NTRK2: variants seen among roughly 807,000 people sequenced by gnomAD.
NTRK2 encodes neurotrophic receptor tyrosine kinase 2, also known as BDNF/NT-3 growth factors receptor.
A neutral mutation model predicts 94.5 loss-of-function variants in NTRK2; 13 were observed. That is an observed-to-expected ratio of 0.14 (90% confidence interval 0.09 to 0.22). The LOEUF (loss-of-function observed/expected upper bound fraction) is 0.22. Ranked by LOEUF, NTRK2 falls within the 10% of genes least tolerant of loss-of-function variation. The pLI is 1.00. For missense variants in NTRK2, 639 were observed against 1,071.2 expected (o/e 0.60, Z 5.63); for synonymous variants, 372 against 407.4 (o/e 0.91, Z 1.05).
intron 14 of NTRK2, among the ~76,000 whole-genome samples, chr9:84,870,337 A>ATATATATATATATG: frequency 1.4e-5 from 1 of 72,192 alleles, no homozygotes; most frequent in African/African-American, 6.6e-5. Context: ...GTGTGTATAT[A>ATATATATATATATG]TATATATATA....
intron 2 of NTRK2, among the ~76,000 whole-genome samples, chr9:84,676,762 T>A (rs1313006084): frequency 6.6e-6 from 1 of 152,148 alleles, no homozygotes; most frequent in Non-Finnish European, 1.5e-5. Flanking sequence ...AAAGTAACTG[T>A]GGTTTTTGCC....
rs574351835 is a variant in NTRK2 at position 85,021,751 on chromosome 9, A to G, written c.*314A>G. 1 of 435,070 alleles carries G rather than the reference A, an allele frequency of 2.3e-6. No homozygotes were observed. Among genetic ancestry groups the G allele is most frequent in the African/African-American group, 2.0e-5 (1 of 50,654 alleles). The allele number at this position is 435,070 out of a possible 1,614,324, so 27.0% of individuals were successfully genotyped here. On this transcript the variant is annotated 3_prime_UTR_variant, in exon 19 of 19. Transcript: ENST00000277120. ...TCACGATTCTTACCCTTTCTTTTGA[A>G]TCAATCTGGCTTCTGCATTACTATT...
intron 12 of NTRK2, chr9:84,814,623 C>A: frequency 9.4e-7 from 1 of 1,065,738 alleles, no homozygotes; most frequent in Non-Finnish European, 1.1e-6. Flanking sequence ...TACACCTCCG[C>A]CTGTTTTGGT....
At chr9:84,840,225 G>A (rs1244940429) in intron 12 of NTRK2, among the ~76,000 whole-genome samples, 1 of 145,226 alleles carries the variant, frequency 6.9e-6, no homozygotes, top group East Asian at 2.0e-4. Flanking sequence ...CTCATCCTCT[G>A]CTACCTTGAT....
intron 14 of NTRK2, among the ~76,000 whole-genome samples, chr9:84,879,136 A>AAG (rs377385684): frequency 9.2e-4 from 138 of 149,920 alleles, no homozygotes; most frequent in Middle Eastern, 6.8e-3. Flanking sequence ...GAGGCTGCCA[A>AAG]AGAGAGAGAG....
chr9:84,838,164 T>C (rs1001507485), intron 12 of NTRK2, among the ~76,000 whole-genome samples: 3 of 152,076 alleles, frequency 2.0e-5, no homozygotes, highest in African/African-American at 7.2e-5. Flanking sequence ...TGTTAGACAA[T>C]ATAATGGCAA....
chr9:84,681,647 G>T (rs1675482704), intron 2 of NTRK2, among the ~76,000 whole-genome samples: 1 of 152,092 alleles, frequency 6.6e-6, no homozygotes, highest in South Asian at 2.1e-4. Flanking sequence ...TGCCTAAAAT[G>T]CTGCAATCGC....
intron 14 of NTRK2, among the ~76,000 whole-genome samples, chr9:84,905,573 T>C (rs1361895508): frequency 6.6e-6 from 1 of 152,174 alleles, no homozygotes; most frequent in Non-Finnish European, 1.5e-5. Flanking sequence ...TAAAAGTACA[T>C]TACCCTTTGG....
chr9:84,958,276 AAG>A (rs1202754791), intron 17 of NTRK2, among the ~76,000 whole-genome samples: 3 of 152,226 alleles, frequency 2.0e-5, no homozygotes, highest in Admixed American at 6.5e-5. Flanking sequence ...AAAAGAAAAA[AAG>A]AGCATGAAAA....
chr9:84,887,417 G>T (rs2076450316), intron 14 of NTRK2, among the ~76,000 whole-genome samples: 1 of 152,280 alleles, frequency 6.6e-6, no homozygotes, highest in South Asian at 2.1e-4. Context: ...CTTAAGACCT[G>T]CTCACCTCCT....
In NTRK2 at chr9:84,754,808, T is replaced by C. The variant is rs551363911; in HGVS notation, c.1396+2723T>C. 7.2e-5 allele frequency among the ~76,000 whole-genome samples: 11 copies of C among 152,296 alleles called. No individual in the cohort carries two copies. In the South Asian group the frequency reaches 2.3e-3, roughly 32 times the overall value. On this transcript the variant is annotated intron_variant, in intron 12 of 18. Coordinates refer to ENST00000277120, the MANE Select transcript of NTRK2 (RefSeq NM_006180.6). The stretch of plus-strand genomic sequence containing the variant: ...CTTATTCTCTTTTGCTGGAGGCAGA[T>C]GGGACAGGAGGAAGGTGGCCAGCTC...
At chr9:84,812,040 C>T in intron 12 of NTRK2, 1 of 1,058,636 alleles carries the variant, frequency 9.4e-7, no homozygotes, top group Non-Finnish European at 1.1e-6. Flanking sequence ...GGATTGGAAA[C>T]ATTGATGTTT....
Position 85,020,372 on chromosome 9 carries a change from A to G in NTRK2, c.2331+8A>G, listed in dbSNP as rs376032963. The G allele has an allele frequency of 7.4e-6, 12 of 1,613,988 alleles. No homozygotes were observed. In the African/African-American group the frequency reaches 1.1e-4, roughly 14 times the overall value. ...CAGCTGTCAAACAATGAGGTGTGCA[A>G]TGGGTCTGGCCAAGACCCTCCAGAG... On this transcript the variant is annotated splice_region_variant and intron_variant, in intron 18 of 18. Transcript: ENST00000277120.
Position 85,022,943 on chromosome 9 carries a change from C to G in NTRK2, c.*1506C>G, listed in dbSNP as rs1252197525. 1 of 233,084 alleles carries G rather than the reference C, an allele frequency of 4.3e-6. No homozygotes were observed. The highest frequency in any genetic ancestry group is 8.5e-6 in the Non-Finnish European group (1 of 118,040). The allele number at this position is 233,084 out of a possible 1,614,324, so 14.4% of individuals were successfully genotyped here. A position where few individuals can be genotyped will look rare whatever the true frequency, so the allele number is the denominator to read the frequency against. On this transcript the variant is annotated 3_prime_UTR_variant, in exon 19 of 19. Coordinates refer to ENST00000277120, the MANE Select transcript of NTRK2 (RefSeq NM_006180.6). The stretch of plus-strand genomic sequence containing the variant: ...GCACTCATGTTCAGTGTACACAGGT[C>G]AAGTCCCTTGCTCTGGGCTCTAGTT...
chr9:84,693,118 A>G (rs981104811), intron 2 of NTRK2, among the ~76,000 whole-genome samples: 1 of 152,180 alleles, frequency 6.6e-6, no homozygotes, highest in African/African-American at 2.4e-5. Context: ...AAAATTTTCA[A>G]TCTCAAATGT....
At chr9:84,704,526 G>A (rs1383333726) in intron 4 of NTRK2, among the ~76,000 whole-genome samples, 13 of 152,052 alleles carry the variant, frequency 8.5e-5, no homozygotes, top group East Asian at 5.8e-4. Context: ...ACGCCTGGCC[G>A]GTGGTATTCT....
intron 2 of NTRK2, among the ~76,000 whole-genome samples, chr9:84,685,721 C>T (rs2059670951): frequency 6.6e-6 from 1 of 152,186 alleles, no homozygotes; most frequent in African/African-American, 2.4e-5. Flanking sequence ...GCCTTCTACC[C>T]TGGCTAACTC....
intron 17 of NTRK2, among the ~76,000 whole-genome samples, chr9:84,967,051 C>T (rs932934998): frequency 1.3e-5 from 2 of 152,126 alleles, no homozygotes; most frequent in Non-Finnish European, 2.9e-5. Context: ...ATGACATTTC[C>T]GAATGAACCC....
chr9:84,718,752 G>T (rs1287955748), intron 6 of NTRK2, among the ~76,000 whole-genome samples: 1 of 152,214 alleles, frequency 6.6e-6, no homozygotes, highest in East Asian at 1.9e-4. Context: ...CCAAGAAGTA[G>T]TGCCTGGCAA....
Sources: gnomAD v4.1 joint callset for allele counts (sites outside exome capture counted in the v4.1 genomes callset) on GRCh38, gnomAD v4.1.1 for gene constraint, MANE v1.5 for transcripts, NCBI Gene and HGNC (gene_info 2026-07-23, HGNC 2026-07-21) for gene names.